GRM8: variants seen among roughly 807,000 people sequenced by gnomAD.
GRM8 encodes the protein glutamate metabotropic receptor 8, also known as metabotropic glutamate receptor 8.
GRM8 carries 47 observed loss-of-function variants against 87.2 expected under a neutral mutation model. That is an observed-to-expected ratio of 0.54 (90% CI 0.43 to 0.69). The LOEUF is 0.69. GRM8 is among the 30% of genes least tolerant of loss of function. The pLI is 0.00. For missense variants in GRM8, 1,019 were observed against 1,139.2 expected, an observed-to-expected ratio of 0.89 and a Z score of 1.52; for synonymous variants, 396 against 404.5, an observed-to-expected ratio of 0.98 and a Z score of 0.25.
chr7:126,878,020 C>G (rs967960660), intron 6 of GRM8, among the ~76,000 whole-genome samples: 1 of 152,068 alleles, frequency 6.6e-6, no homozygotes, highest in Non-Finnish European at 1.5e-5. Flanking sequence ...GGTCTCAGGA[C>G]AGGAGGTCAC....
chr7:127,035,014 A>T (rs1368737609), intron 3 of GRM8, among the ~76,000 whole-genome samples: 1 of 152,220 alleles, frequency 6.6e-6, no homozygotes, highest in Non-Finnish European at 1.5e-5. Flanking sequence ...CTCAGTTTAG[A>T]TTGGTTGCCA....
intron 2 of GRM8, among the ~76,000 whole-genome samples, chr7:127,159,890 A>G (rs1792990808): frequency 2.0e-5 from 3 of 152,166 alleles, no homozygotes; most frequent in Admixed American, 6.5e-5. Flanking sequence ...GCAATAAAAC[A>G]TGCTCGCAAA....
chr7:127,120,939 A>G (rs17862298), intron 2 of GRM8, among the ~76,000 whole-genome samples: 1 of 152,340 alleles, frequency 6.6e-6, no homozygotes, highest in Non-Finnish European at 1.5e-5. Flanking sequence ...ACCAGTGAAT[A>G]TATCATATCA....
intron 7 of GRM8, among the ~76,000 whole-genome samples, chr7:126,646,235 G>A (rs1410994778): frequency 6.6e-6 from 1 of 151,266 alleles, no homozygotes; most frequent in East Asian, 1.9e-4. Flanking sequence ...AGAGAGAGAA[G>A]AAGAAAAGGA....
At chr7:127,032,097 AC>A (rs1817435542) in intron 3 of GRM8, among the ~76,000 whole-genome samples, 1 of 152,142 alleles carries the variant, frequency 6.6e-6, no homozygotes, top group South Asian at 2.1e-4. Flanking sequence ...ATCCTATCAC[AC>A]CATCATGTCC....
chr7:126,443,084 C>T (rs1023521726), intron 10 of GRM8, among the ~76,000 whole-genome samples: 1 of 151,944 alleles, frequency 6.6e-6, no homozygotes, highest in African/African-American at 2.4e-5. Flanking sequence ...AAATTAATTT[C>T]CTTGTGTGCA....
chr7:126,627,641 C>T (rs903609499), intron 7 of GRM8, among the ~76,000 whole-genome samples: 1 of 151,960 alleles, frequency 6.6e-6, no homozygotes, highest in African/African-American at 2.4e-5. Flanking sequence ...AAAAGAATGC[C>T]TCCCATATTC....
intron 6 of GRM8, among the ~76,000 whole-genome samples, chr7:126,797,417 A>AT (rs1207530613): frequency 6.6e-6 from 1 of 152,072 alleles, no homozygotes; most frequent in Non-Finnish European, 1.5e-5. Flanking sequence ...TATTCTTGTT[A>AT]TTTTTTAAAA....
At chr7:126,958,394 G>A (rs1308765905) in intron 3 of GRM8, among the ~76,000 whole-genome samples, 1 of 152,140 alleles carries the variant, frequency 6.6e-6, no homozygotes, top group Admixed American at 6.5e-5. Context: ...GCTTTCAAGT[G>A]CCACCACGTT....
chr7:127,047,705 C>T (rs1819073693), intron 3 of GRM8, among the ~76,000 whole-genome samples: 1 of 152,096 alleles, frequency 6.6e-6, no homozygotes, highest in African/African-American at 2.4e-5. Context: ...GTGATTCATA[C>T]CTATAGTGCC....
At chr7:127,037,581 T>C (rs1344868656) in intron 3 of GRM8, among the ~76,000 whole-genome samples, 1 of 152,232 alleles carries the variant, frequency 6.6e-6, no homozygotes, top group Non-Finnish European at 1.5e-5. Context: ...ATTACCATCC[T>C]GCTGCATCCA....
At chr7:127,137,236 C>G (rs1235202747) in intron 2 of GRM8, among the ~76,000 whole-genome samples, 2 of 151,990 alleles carry the variant, frequency 1.3e-5, no homozygotes, top group Non-Finnish European at 2.9e-5. Context: ...CACACACACA[C>G]ACATTCCATA....
At chr7:127,238,638 T>C (rs749664299) in intron 2 of GRM8, among the ~76,000 whole-genome samples, 2 of 152,238 alleles carry the variant, frequency 1.3e-5, no homozygotes, top group Non-Finnish European at 2.9e-5. Context: ...CAGTATCCTA[T>C]GGATCTACGC....
intron 2 of GRM8, among the ~76,000 whole-genome samples, chr7:127,125,227 T>C (rs770153120): frequency 4.6e-5 from 7 of 152,090 alleles, no homozygotes; most frequent in African/African-American, 7.2e-5. Flanking sequence ...AAATGTTTTC[T>C]AAACAAACTA....
chr7:127,024,608 C>T (rs763536160), intron 3 of GRM8, among the ~76,000 whole-genome samples: 2 of 152,068 alleles, frequency 1.3e-5, no homozygotes, highest in Non-Finnish European at 2.9e-5. Flanking sequence ...AGAGACTTCA[C>T]ACTGAGAATA....
At chr7:127,065,599 G>A (rs2132629471) in intron 3 of GRM8, among the ~76,000 whole-genome samples, 1 of 152,102 alleles carries the variant, frequency 6.6e-6, no homozygotes. Context: ...TGAAAGATAA[G>A]AAGAGTGTTG....
chr7:127,151,119 AGGACTCT>A (rs1369575372), intron 2 of GRM8, among the ~76,000 whole-genome samples: 1 of 152,038 alleles, frequency 6.6e-6, no homozygotes. Flanking sequence ...TTGGTACACA[AGGACTCT>A]GTAGGAGGTC....
At chr7:126,632,068 C>T (rs1257390021) in intron 7 of GRM8, among the ~76,000 whole-genome samples, 1 of 151,990 alleles carries the variant, frequency 6.6e-6, no homozygotes, top group South Asian at 2.1e-4. Flanking sequence ...GCACAGCAAA[C>T]AAAACTATCA....
rs190296618 is a variant in GRM8 at position 127,126,849 on chromosome 7, T to A, written c.511-20137A>T. On this transcript the variant is annotated intron_variant, in intron 2 of 10. Coordinates refer to ENST00000339582, the MANE Select transcript of GRM8 (RefSeq NM_000845.3). ...GGGGGCTATATCTGATTAAAGACTT[T>A]TACCAAGAATTTTTAAAGAACTCTT... Among the ~76,000 whole-genome samples the A allele has an allele frequency of 3.4e-3, 523 of 152,060 alleles. 20 individuals are homozygous for A. The highest frequency in any genetic ancestry group is 0.029 in the Admixed American group (450 of 15,258).
Sources: gnomAD v4.1 joint callset for allele counts (sites outside exome capture counted in the v4.1 genomes callset) on GRCh38, gnomAD v4.1.1 for gene constraint, MANE v1.5 for transcripts, NCBI Gene and HGNC (gene_info 2026-07-23, HGNC 2026-07-21) for gene names.